CDKL1: variants seen among roughly 807,000 people sequenced by gnomAD.
CDKL1 encodes cyclin dependent kinase like 1, also known as cyclin-dependent kinase-like 1.
In CDKL1, 41 loss-of-function variants were observed where a neutral mutation model predicts 42.0. The ratio of observed to expected loss-of-function variants is 0.98; its 90% confidence interval spans 0.76 to 1.27. CDKL1 has a LOEUF of 1.27. Ranked by LOEUF, CDKL1 falls within the 50% of genes most tolerant of loss-of-function variation. The pLI, the probability that CDKL1 is intolerant of heterozygous loss-of-function variation, is 0.00. For missense variants in CDKL1, 394 were observed against 428.4 expected, an observed-to-expected ratio of 0.92 and a Z score of 0.71; for synonymous variants, 153 against 158.6, an observed-to-expected ratio of 0.96 and a Z score of 0.26.
intron 7 of CDKL1, chr14:50,334,908 CT>C (rs1027741364): frequency 8.4e-5 from 19 of 227,198 alleles, no homozygotes; most frequent in African/African-American, 4.5e-4. Context: ...TGAAAAAAAA[CT>C]TTTCTGAGCA....
chr14:50,387,547 C>T (rs901742361), intron 2 of CDKL1, among the ~76,000 whole-genome samples: 1 of 151,764 alleles, frequency 6.6e-6, no homozygotes. Flanking sequence ...ACTGAAAACC[C>T]AGCACCTTAG....
chr14:50,378,674 C>T (rs1009856263), intron 2 of CDKL1, among the ~76,000 whole-genome samples: 3 of 152,048 alleles, frequency 2.0e-5, no homozygotes, highest in Non-Finnish European at 2.9e-5. Flanking sequence ...GCTGGGACCA[C>T]AGGCACACAT....
At chr14:50,336,443 G>A (rs566640989) in intron 7 of CDKL1, among the ~76,000 whole-genome samples, 1 of 152,164 alleles carries the variant, frequency 6.6e-6, no homozygotes, top group African/African-American at 2.4e-5. Flanking sequence ...AAGCCAGATG[G>A]GTCACCTCCC....
intron 2 of CDKL1, among the ~76,000 whole-genome samples, chr14:50,392,084 A>C (rs991532314): frequency 6.6e-6 from 1 of 152,222 alleles, no homozygotes; most frequent in African/African-American, 2.4e-5. Flanking sequence ...CCAATGGCTA[A>C]TCCTAAATCT....
chr14:50,395,323 C>T (rs1390954649), intron 2 of CDKL1, among the ~76,000 whole-genome samples: 1 of 152,302 alleles, frequency 6.6e-6, no homozygotes, highest in South Asian at 2.1e-4. Context: ...AAAGTGAATG[C>T]CACCTTACCT....
Position 50,333,836 on chromosome 14 carries a change from A to G in CDKL1, c.795+729T>C, listed in dbSNP as rs192827446. On this transcript the variant is annotated intron_variant, in intron 8 of 9. Coordinates refer to ENST00000395834, the MANE Select transcript of CDKL1 (RefSeq NM_004196.7). ...TGTGGGACATTGACTGTAACTTGCAAACATTTTAGTTGATACCATACCTCA... is the reference window on the plus strand; with the variant it reads ...TGTGGGACATTGACTGTAACTTGCAGACATTTTAGTTGATACCATACCTCA... 6.7e-4 allele frequency: 101 copies of G among 151,872 alleles called. 1 individual carries two copies. The highest frequency in any genetic ancestry group is 2.3e-3 in the African/African-American group (96 of 41,490). The allele number at this position is 151,872 out of a possible 1,614,324, so 9.4% of individuals were successfully genotyped here.
intron 2 of CDKL1, among the ~76,000 whole-genome samples, chr14:50,394,622 T>C (rs930046699): frequency 3.3e-5 from 5 of 152,234 alleles, no homozygotes; most frequent in Admixed American, 6.5e-5. Flanking sequence ...CCTTGTCACA[T>C]AGTAGTTATA....
At chr14:50,377,620 C>T (rs1193548402) in intron 2 of CDKL1, 1 of 1,347,090 alleles carries the variant, frequency 7.4e-7, no homozygotes. Context: ...CAACAAGGAC[C>T]CCACTGCTGA....
chr14:50,331,932 G>T, intron 9 of CDKL1: 1 of 1,110,622 alleles, frequency 9.0e-7, no homozygotes, highest in Non-Finnish European at 1.2e-6. Context: ...GAACTGCATG[G>T]GGAAAATCTG....
intron 2 of CDKL1, among the ~76,000 whole-genome samples, chr14:50,371,834 C>T (rs2034599341): frequency 6.6e-6 from 1 of 152,260 alleles, no homozygotes; most frequent in South Asian, 2.1e-4. Context: ...AAGTGCCATG[C>T]CTGCTCCTAC....
chr14:50,381,578 C>G (rs1434693590), intron 2 of CDKL1, among the ~76,000 whole-genome samples: 6 of 152,148 alleles, frequency 3.9e-5, no homozygotes, highest in Non-Finnish European at 7.4e-5. Flanking sequence ...GTTTTACTGA[C>G]TAACACAGTA....
At chr14:50,331,753 A>G (rs1371067884) in intron 9 of CDKL1, 1 of 428,984 alleles carries the variant, frequency 2.3e-6, no homozygotes, top group Non-Finnish European at 4.1e-6. Context: ...CCCAGTGTGC[A>G]GTTTGGATGC....
At chr14:50,393,948 A>G (rs1475956519) in intron 2 of CDKL1, among the ~76,000 whole-genome samples, 1 of 152,292 alleles carries the variant, frequency 6.6e-6, no homozygotes. Flanking sequence ...TCCAACAATG[A>G]CATTTTTTGG....
At chr14:50,344,386 A>G (rs1442310835) in intron 4 of CDKL1, among the ~76,000 whole-genome samples, 1 of 151,348 alleles carries the variant, frequency 6.6e-6, no homozygotes, top group Non-Finnish European at 1.5e-5. Context: ...GACCACATAG[A>G]CTCCAAGTGA....
At chr14:50,357,336 C>T (rs1049242162) in intron 3 of CDKL1, 1 of 152,238 alleles carries the variant, frequency 6.6e-6, no homozygotes, top group East Asian at 1.9e-4. Context: ...ACCATCACCA[C>T]GTGGCAGAGC....
chr14:50,331,911 A>C, intron 9 of CDKL1: 1 of 919,342 alleles, frequency 1.1e-6, no homozygotes, highest in Non-Finnish European at 1.6e-6. Flanking sequence ...AAAAGTGTAC[A>C]TGATGACACA....
chr14:50,356,492 TG>T (rs1424002183), intron 3 of CDKL1, among the ~76,000 whole-genome samples: 2 of 152,210 alleles, frequency 1.3e-5, no homozygotes, highest in African/African-American at 4.8e-5. Context: ...TGGAATACTA[TG>T]CAGCCATAAA....
chr14:50,333,869 TAA>T (rs1239142456), intron 8 of CDKL1: 1 of 151,022 alleles, frequency 6.6e-6, no homozygotes, highest in Non-Finnish European at 1.5e-5. Context: ...TCATTTTACA[TAA>T]GAGCTATATT....
At chr14:50,338,663 T>C (rs774246253) in intron 7 of CDKL1, among the ~76,000 whole-genome samples, 13 of 152,220 alleles carry the variant, frequency 8.5e-5, no homozygotes, top group Non-Finnish European at 1.5e-4. Context: ...GTTGGTTGGC[T>C]CTAAGCTACC....
Sources: allele counts gnomAD v4.1 joint callset (sites outside exome capture counted in the v4.1 genomes callset), GRCh38; gene constraint gnomAD v4.1.1; transcripts MANE v1.5; gene names NCBI Gene and HGNC (gene_info 2026-07-23, HGNC 2026-07-21).